CCDC7: variants seen among roughly 807,000 people sequenced by gnomAD.
The protein encoded by CCDC7 is coiled-coil domain-containing protein 7.
Under a neutral mutation model 196.9 loss-of-function variants are expected in CCDC7, and 183 were observed. The ratio of observed to expected loss-of-function variants is 0.93; its 90% CI spans 0.82 to 1.05. The LOEUF (loss-of-function observed/expected upper bound fraction) is 1.05, where lower values mean the gene tolerates loss of function less well. CCDC7 is among the 50% of genes least tolerant of loss of function. The probability of loss-of-function intolerance (pLI) is 0.00; values close to 1 mark genes in which losing one functional copy is unlikely to be tolerated. For missense variants in CCDC7, 1,540 were observed against 1,482.2 expected (o/e 1.04, Z -0.64); for synonymous variants, 525 against 484.6 (o/e 1.08, Z -1.10).
chr10:32,861,518 A>G (rs1160721774), intron 41 of CCDC7, among the ~76,000 whole-genome samples: 1 of 152,190 alleles, frequency 6.6e-6, no homozygotes, highest in Non-Finnish European at 1.5e-5. Context: ...ATGGGTAAAG[A>G]CTTCATGACT....
intron 18 of CCDC7, among the ~76,000 whole-genome samples, chr10:32,606,432 C>A (rs1485822984): frequency 6.6e-6 from 1 of 152,194 alleles, no homozygotes; most frequent in Non-Finnish European, 1.5e-5. Context: ...TCCAGACCCC[C>A]AAAATGGTAG....
At chr10:32,453,857 G>T (rs1438679845) in intron 2 of CCDC7, among the ~76,000 whole-genome samples, 1 of 152,162 alleles carries the variant, frequency 6.6e-6, no homozygotes, top group African/African-American at 2.4e-5. Flanking sequence ...GGTTATCCAA[G>T]ATTAATGAAC....
intron 41 of CCDC7, among the ~76,000 whole-genome samples, chr10:32,867,259 G>A (rs1490214437): frequency 6.6e-6 from 1 of 151,602 alleles, no homozygotes; most frequent in African/African-American, 2.4e-5. Context: ...ATTGTGTTGT[G>A]ATGATATATT....
rs186200044 is a variant in CCDC7, at chr10:32,793,275, G to A, written c.3014-11740G>A. 4.1e-4 allele frequency among the ~76,000 whole-genome samples: 62 copies of A among 152,190 alleles called. No homozygotes were observed. In the East Asian group the frequency reaches 0.012, roughly 28 times the overall value. On this transcript the variant is annotated intron_variant, in intron 29 of 41. Transcript: ENST00000639629. The stretch of plus-strand genomic sequence containing the variant: ...ACAACTAAAAGGTTATTCCCTTCAA[G>A]AATAAAATTTTGAGCCATCTTAACT...
At chr10:32,557,573 G>A (rs942199271) in intron 13 of CCDC7, among the ~76,000 whole-genome samples, 1 of 151,920 alleles carries the variant, frequency 6.6e-6, no homozygotes, top group African/African-American at 2.4e-5. Context: ...ATTTTGTATC[G>A]ATATATTTTC....
chr10:32,592,085 G>A (rs1340400168), intron 18 of CCDC7, among the ~76,000 whole-genome samples: 1 of 152,116 alleles, frequency 6.6e-6, no homozygotes, highest in Non-Finnish European at 1.5e-5. Flanking sequence ...TTTAGTCTTG[G>A]TAGGTTGGTG....
intron 20 of CCDC7, among the ~76,000 whole-genome samples, chr10:32,656,020 G>C (rs1303100109): frequency 6.6e-6 from 1 of 151,980 alleles, no homozygotes; most frequent in Non-Finnish European, 1.5e-5. Flanking sequence ...TCATACTGTT[G>C]ATAGTTTTGT....
chr10:32,639,834 G>T (rs2066387650), intron 20 of CCDC7, among the ~76,000 whole-genome samples: 1 of 151,848 alleles, frequency 6.6e-6, no homozygotes, highest in Non-Finnish European at 1.5e-5. Flanking sequence ...TTTCACCATG[G>T]TCTCGATCTC....
intron 40 of CCDC7, 34 bp from the exon 42 acceptor site, chr10:32,854,366 A>G (rs771498324): frequency 5.1e-6 from 6 of 1,177,884 alleles, no homozygotes; most frequent in Non-Finnish European, 7.4e-6. Flanking sequence ...TTAATTTACC[A>G]CATAATTTAA....
chr10:32,669,555 A>C (rs2063216152), intron 21 of CCDC7, among the ~76,000 whole-genome samples: 1 of 152,004 alleles, frequency 6.6e-6, no homozygotes, highest in African/African-American at 2.4e-5. Context: ...TGATTTAATC[A>C]CCTTACTCAT....
chr10:32,640,309 C>G (rs1276050549), intron 20 of CCDC7, among the ~76,000 whole-genome samples: 1 of 152,082 alleles, frequency 6.6e-6, no homozygotes, highest in Non-Finnish European at 1.5e-5. Context: ...CTTTCTTTGT[C>G]TCTTTTGATC....
At chr10:32,639,519 A>G (rs1355594830) in intron 20 of CCDC7, among the ~76,000 whole-genome samples, 2 of 151,868 alleles carry the variant, frequency 1.3e-5, no homozygotes, top group Non-Finnish European at 2.9e-5. Context: ...ATTCAGGAGC[A>G]GGTTGTTCAG....
At chr10:32,695,759 T>G (rs541426739) in intron 24 of CCDC7, among the ~76,000 whole-genome samples, 2 of 152,326 alleles carry the variant, frequency 1.3e-5, no homozygotes, top group South Asian at 4.1e-4. Flanking sequence ...GGACTGATCT[T>G]GATCATCTTT....
chr10:32,797,231 G>A (rs2083765449), intron 29 of CCDC7, among the ~76,000 whole-genome samples: 1 of 149,994 alleles, frequency 6.7e-6, no homozygotes, highest in Admixed American at 6.7e-5. Flanking sequence ...ACATATATAT[G>A]TGTATATATA....
chr10:32,805,201 T>C lies in CCDC7; in HGVS notation c.3097+103T>C, dbSNP rs572623258. ...ATGGTGCCCATTTGTTATTATGACA[T>C]GGGCACAGGTTCTCATGAATACCCT... is the stretch of plus-strand genomic sequence containing the variant. On this transcript the variant is annotated intron_variant, in intron 30 of 41. Transcript: ENST00000639629. The C allele has an allele frequency of 4.1e-4, 321 of 779,832 alleles. 3 individuals are homozygous for C. The Middle Eastern group carries it at 4.7e-3, about 11-fold the overall frequency. 48.3% of individuals were successfully genotyped at this position (779,832 alleles called of 1,614,324 possible).
chr10:32,846,386 A>C (rs2093295333), exon 37 of CCDC7: 1 of 1,570,466 alleles, frequency 6.4e-7, no homozygotes. Flanking sequence ...AGACTGATAA[A>C]GAACTCTTAA....
intron 41 of CCDC7, among the ~76,000 whole-genome samples, chr10:32,873,344 G>A (rs2094496157): frequency 6.6e-6 from 1 of 151,982 alleles, no homozygotes; most frequent in Non-Finnish European, 1.5e-5. Context: ...TGAGGCTTGT[G>A]CATTCATCAC....
intron 11 of CCDC7, among the ~76,000 whole-genome samples, chr10:32,519,004 C>A (rs2047477678): frequency 6.6e-6 from 1 of 151,962 alleles, no homozygotes; most frequent in Admixed American, 6.6e-5. Context: ...CTTTTATTAA[C>A]CACTTAAGAA....
chr10:32,796,486 A>G (rs1460262757), intron 29 of CCDC7, among the ~76,000 whole-genome samples: 1 of 152,110 alleles, frequency 6.6e-6, no homozygotes, highest in African/African-American at 2.4e-5. Context: ...TATCTCCCAA[A>G]TATAGTATGG....
Sources: allele counts gnomAD v4.1 joint callset (sites outside exome capture counted in the v4.1 genomes callset), GRCh38; gene constraint gnomAD v4.1.1; transcripts MANE v1.5; gene names NCBI Gene and HGNC (gene_info 2026-07-23, HGNC 2026-07-21).